RHEB: variants seen among roughly 807,000 people sequenced by gnomAD.
RHEB encodes the protein Ras homolog, mTORC1 binding.
In RHEB, 2 loss-of-function variants were observed where a neutral mutation model predicts 28.8. That is an observed-to-expected ratio of 0.07 (90% CI 0.03 to 0.22). The LOEUF (loss-of-function observed/expected upper bound fraction) is 0.22. Ranked by LOEUF, RHEB falls within the 10% of genes least tolerant of loss-of-function variation. RHEB has a pLI of 1.00. For synonymous variants in RHEB, 69 were observed against 77.3 expected, an observed-to-expected ratio of 0.89 and a Z score of 0.56; for missense variants, 76 against 219.9, an observed-to-expected ratio of 0.35 and a Z score of 4.14.
chr7:151,513,929 A>G (rs1195660649), intron 1 of RHEB, among the ~76,000 whole-genome samples: 1 of 152,216 alleles, frequency 6.6e-6, no homozygotes, highest in Non-Finnish European at 1.5e-5. Context: ...ATGGAAATGC[A>G]AGGGACTGAG....
intron 1 of RHEB, among the ~76,000 whole-genome samples, chr7:151,498,921 G>A (rs1404644630): frequency 6.6e-6 from 1 of 152,150 alleles, no homozygotes; most frequent in African/African-American, 2.4e-5. Flanking sequence ...TCAAAGATCT[G>A]ACTATGGATT....
intron 3 of RHEB, 113 bp from the exon 4 acceptor site, chr7:151,477,528 T>C (rs1415856235): frequency 3.1e-6 from 2 of 640,360 alleles, no homozygotes; most frequent in African/African-American, 3.7e-5. Flanking sequence ...CAGAGTGGAT[T>C]ACAATATTAT....
intron 1 of RHEB, chr7:151,502,570 A>C: frequency 8.5e-7 from 1 of 1,181,634 alleles, no homozygotes; most frequent in Non-Finnish European, 1.3e-6. Context: ...GTGTGACAAC[A>C]AATTCCATAA....
In RHEB at chr7:151,467,085, T is replaced by C. The variant is rs937006710; in HGVS notation, c.*34A>G. 5.4e-6 allele frequency: 8 copies of C among 1,482,876 alleles called. No individual in the cohort carries two copies. The highest frequency in any genetic ancestry group is 7.5e-6 in the Non-Finnish European group (8 of 1,060,520). 91.9% of individuals were successfully genotyped at this position (1,482,876 alleles called of 1,614,324 possible). On this transcript the variant is annotated 3_prime_UTR_variant, in exon 8 of 8. Transcript: ENST00000262187. ...GGGCAGTTTGCTTCTTCAGGTAGAA[T>C]ATATTCCCAGTGTCCTCAGGCTTTG... is the stretch of plus-strand genomic sequence containing the variant.
chr7:151,485,528 G>C (rs548912389), intron 2 of RHEB, among the ~76,000 whole-genome samples: 13 of 152,240 alleles, frequency 8.5e-5, no homozygotes, highest in Admixed American at 5.9e-4. Flanking sequence ...CAAGGAAGTG[G>C]AACAGATTTA....
Position 151,514,842 on chromosome 7 carries a change from G to T in RHEB, c.52+4618C>A, listed in dbSNP as rs1020762132. The stretch of plus-strand genomic sequence containing the variant: ...GCTTGAGGTCAAGAGTTCAAGACCA[G>T]CTTGGGCAACAAAGCAAGGTTCCCA... On this transcript the variant is annotated intron_variant, in intron 1 of 7. Coordinates refer to ENST00000262187, the MANE Select transcript of RHEB (RefSeq NM_005614.4). Among the ~76,000 whole-genome samples, 8 of 152,134 alleles carry T rather than the reference G, an allele frequency of 5.3e-5. No individual in the cohort carries two copies. In the South Asian group the frequency reaches 1.2e-3, roughly 24 times the overall value.
At chr7:151,483,425 G>C (rs1354600479) in intron 3 of RHEB, among the ~76,000 whole-genome samples, 1 of 152,094 alleles carries the variant, frequency 6.6e-6, no homozygotes, top group African/African-American at 2.4e-5. Flanking sequence ...TTGATTATAA[G>C]TTGCAAGGGC....
At chr7:151,500,327 A>T (rs1173456047) in intron 1 of RHEB, among the ~76,000 whole-genome samples, 1 of 152,198 alleles carries the variant, frequency 6.6e-6, no homozygotes, top group Non-Finnish European at 1.5e-5. Context: ...AGAAAAAAAT[A>T]AGAAAACCTT....
chr7:151,483,279 G>T (rs2150925725), intron 3 of RHEB, among the ~76,000 whole-genome samples: 1 of 152,206 alleles, frequency 6.6e-6, no homozygotes, highest in South Asian at 2.1e-4. Flanking sequence ...AAAGCAGAGG[G>T]AATTCATTCC....
chr7:151,480,074 T>C (rs976397801), intron 3 of RHEB, among the ~76,000 whole-genome samples: 5 of 152,214 alleles, frequency 3.3e-5, no homozygotes, highest in Admixed American at 6.5e-5. Flanking sequence ...TGCTAACACA[T>C]AGTGCTGGTG....
intron 1 of RHEB, among the ~76,000 whole-genome samples, chr7:151,497,628 A>G (rs146378017): frequency 5.3e-4 from 80 of 152,290 alleles, no homozygotes; most frequent in Middle Eastern, 3.4e-3. Context: ...GATCGCCGCT[A>G]TCCTCTATTC....
intron 2 of RHEB, among the ~76,000 whole-genome samples, chr7:151,485,065 T>C (rs923645283): frequency 6.6e-6 from 1 of 152,238 alleles, no homozygotes; most frequent in African/African-American, 2.4e-5. Flanking sequence ...CAACAATTCA[T>C]ATCCTATAAT....
chr7:151,485,205 G>C (rs1276487010), intron 2 of RHEB, among the ~76,000 whole-genome samples: 6 of 152,204 alleles, frequency 3.9e-5, no homozygotes, highest in South Asian at 2.1e-4. Flanking sequence ...TCTGGCATCA[G>C]AGCACAAAGA....
At position 151,484,943 on chromosome 7, in the gene RHEB, T is replaced by C; in HGVS notation, c.125-139A>G. On this transcript the variant is annotated intron_variant, in intron 2 of 7. Coordinates refer to ENST00000262187, the MANE Select transcript of RHEB (RefSeq NM_005614.4). ...GCCCCATGAAACAAAAAAGAACAAC[T>C]CTCTGACTTGTATAGATTCTCCCCT... 5.0e-6 allele frequency: 3 copies of C among 605,988 alleles called. No homozygotes were observed. In the South Asian group the frequency reaches 6.1e-5, roughly 12 times the overall value. The allele number at this position is 605,988 out of a possible 1,614,324, so 37.5% of individuals were successfully genotyped here. A position where few individuals can be genotyped will look rare whatever the true frequency, so the allele number is the denominator to read the frequency against.
At chr7:151,478,254 A>G (rs1307973818) in intron 3 of RHEB, among the ~76,000 whole-genome samples, 1 of 152,176 alleles carries the variant, frequency 6.6e-6, no homozygotes, top group African/African-American at 2.4e-5. Flanking sequence ...TGTCCTAAGC[A>G]CTATTATGGA....
chr7:151,492,246 A>C (rs929691339), intron 1 of RHEB, among the ~76,000 whole-genome samples: 1 of 152,166 alleles, frequency 6.6e-6, no homozygotes, highest in East Asian at 1.9e-4. Flanking sequence ...CAAACTATGG[A>C]TAGGTATAGT....
At chr7:151,467,596 T>C (rs1469565352) in intron 7 of RHEB, among the ~76,000 whole-genome samples, 1 of 152,006 alleles carries the variant, frequency 6.6e-6, no homozygotes, top group Non-Finnish European at 1.5e-5. Context: ...CGGGACATAC[T>C]CTCCCAGCAG....
At chr7:151,474,029 C>G (rs1002162757) in intron 4 of RHEB, among the ~76,000 whole-genome samples, 3 of 152,164 alleles carry the variant, frequency 2.0e-5, no homozygotes, top group Non-Finnish European at 4.4e-5. Flanking sequence ...TGGATGTAGT[C>G]ATACTGAACA....
At chr7:151,512,460 G>T (rs1251825562) in intron 1 of RHEB, among the ~76,000 whole-genome samples, 1 of 152,116 alleles carries the variant, frequency 6.6e-6, no homozygotes, top group African/African-American at 2.4e-5. Context: ...TACTCTCTGG[G>T]AGCCTCGCCA....
Sources: allele counts gnomAD v4.1 joint callset (sites outside exome capture counted in the v4.1 genomes callset), GRCh38; gene constraint gnomAD v4.1.1; transcripts MANE v1.5; gene names NCBI Gene and HGNC (gene_info 2026-07-23, HGNC 2026-07-21).